The following LIMK2 variants were observed in gnomAD, a reference collection of about 807,000 sequenced individuals.
The protein encoded by LIMK2 is LIM domain kinase 2.
Under a neutral mutation model 75.7 loss-of-function variants are expected in LIMK2, and 35 were observed. The observed-to-expected ratio is 0.46, with a 90% CI of 0.35 to 0.61. The LOEUF (loss-of-function observed/expected upper bound fraction) is 0.61, where lower values mean the gene tolerates loss of function less well. Among genes scored for constraint, LIMK2 ranks in the 20% least tolerant of loss-of-function variants. The pLI, the probability that LIMK2 is intolerant of heterozygous loss-of-function variation, is 0.00. For synonymous variants in LIMK2, 301 were observed against 319.2 expected, an observed-to-expected ratio of 0.94 and a Z score of 0.61; for missense variants, 623 against 831.0, an observed-to-expected ratio of 0.75 and a Z score of 3.08.
In LIMK2 at chr22:31,278,625, C is replaced by T. The variant is rs150616886; in HGVS notation, c.*184C>T. 817 of 501,644 alleles carry T rather than the reference C, an allele frequency of 1.6e-3. 1 individual carries two copies. The highest frequency in any genetic ancestry group is 0.013 in the African/African-American group (688 of 51,124). The allele number at this position is 501,644 out of a possible 1,614,324, so 31.1% of individuals were successfully genotyped here. A position where few individuals can be genotyped will look rare whatever the true frequency, so the allele number is the denominator to read the frequency against. On this transcript the variant is annotated 3_prime_UTR_variant, in exon 16 of 16. Transcript: ENST00000331728. Reference sequence around the variant, plus strand: ...GCGCAGCACCAGGGAAATGTATCTCCACAGGTTCTGGGGCCTAGTTACTGT... The same window carrying T: ...GCGCAGCACCAGGGAAATGTATCTCTACAGGTTCTGGGGCCTAGTTACTGT...
chr22:31,232,035 T>G (rs1188476215), intron 2 of LIMK2, among the ~76,000 whole-genome samples: 1 of 152,058 alleles, frequency 6.6e-6, no homozygotes, highest in Non-Finnish European at 1.5e-5. Flanking sequence ...TTGCCCAGGC[T>G]GGTCTTGAAC....
chr22:31,228,418 G>A (rs971289673), intron 2 of LIMK2, among the ~76,000 whole-genome samples: 12 of 151,746 alleles, frequency 7.9e-5, no homozygotes, highest in Admixed American at 5.9e-4. Context: ...AAACTCCATC[G>A]CAAAAAAACA....
In LIMK2 at chr22:31,212,355, G is replaced by T. The variant is rs1601390156; in HGVS notation, c.-54G>T. ...GCTGAGGGGAGTTGTAGGGAACTGA[G>T]GGGAGCTGCTGTGTCCCCCGCCTCC... On this transcript the variant is annotated 5_prime_UTR_variant, in exon 1 of 16. In the 5' UTR this introduces an upstream ATG that the reference lacks. Transcript: ENST00000331728. 1.3e-5 allele frequency: 17 copies of T among 1,327,572 alleles called. No individual in the cohort carries two copies. The East Asian group carries it at 4.4e-4, about 35-fold the overall frequency. The allele number at this position is 1,327,572 out of a possible 1,614,324, so 82.2% of individuals were successfully genotyped here. A position where few individuals can be genotyped will look rare whatever the true frequency, so the allele number is the denominator to read the frequency against.
intron 9 of LIMK2, 39 bp downstream of exon 9, chr22:31,267,109 A>T: frequency 8.5e-7 from 1 of 1,177,078 alleles, no homozygotes; most frequent in Non-Finnish European, 1.3e-6. Flanking sequence ...TGGTGTCACC[A>T]TTGGAAGAGA....
chr22:31,276,606 G>A (rs1381685557), intron 15 of LIMK2, among the ~76,000 whole-genome samples: 3 of 146,336 alleles, frequency 2.1e-5, no homozygotes, highest in Non-Finnish European at 4.6e-5. Context: ...GAGCCGGCGA[G>A]CTAACCTGAG....
chr22:31,225,063 G>T (rs2048467315), intron 1 of LIMK2, among the ~76,000 whole-genome samples: 1 of 152,200 alleles, frequency 6.6e-6, no homozygotes, highest in Non-Finnish European at 1.5e-5. Context: ...CTCCTTATGA[G>T]AATCTCACTA....
At chr22:31,229,313 C>T (rs973146502) in intron 2 of LIMK2, among the ~76,000 whole-genome samples, 1 of 152,122 alleles carries the variant, frequency 6.6e-6, no homozygotes, top group African/African-American at 2.4e-5. Context: ...GGTAATTTGC[C>T]CTGGGGAGAG....
At chr22:31,273,575 G>A in intron 14 of LIMK2, 68 bp downstream of exon 14, 2 of 1,261,618 alleles carry the variant, frequency 1.6e-6, no homozygotes, top group Non-Finnish European at 2.3e-6. Flanking sequence ...CTCGGAACTG[G>A]GGCATCTCCT....
chr22:31,216,880 C>G (rs1021817513), intron 1 of LIMK2, among the ~76,000 whole-genome samples: 4 of 152,164 alleles, frequency 2.6e-5, no homozygotes, highest in African/African-American at 9.7e-5. Context: ...GAAACTGTAG[C>G]AGTCTCTTAC....
intron 2 of LIMK2, among the ~76,000 whole-genome samples, chr22:31,246,183 G>GCACGCACACACACACA (rs1555886279): frequency 1.6e-4 from 21 of 135,094 alleles, no homozygotes; most frequent in South Asian, 2.5e-4. Context: ...ACGCACGCAC[G>GCACGCACACACACACA]CACACACACA....
intron 2 of LIMK2, among the ~76,000 whole-genome samples, chr22:31,235,759 T>C (rs1186038335): frequency 1.3e-5 from 2 of 152,208 alleles, no homozygotes; most frequent in African/African-American, 4.8e-5. Flanking sequence ...CTTTTACTTA[T>C]AGGTGATTTA....
chr22:31,254,427 C>T (rs1214056353), intron 2 of LIMK2, among the ~76,000 whole-genome samples: 2 of 152,224 alleles, frequency 1.3e-5, no homozygotes, highest in Non-Finnish European at 2.9e-5. Context: ...CCACTCCTAC[C>T]ATTTTCAGTT....
At chr22:31,219,499 G>C (rs2048415810) in intron 1 of LIMK2, among the ~76,000 whole-genome samples, 1 of 151,832 alleles carries the variant, frequency 6.6e-6, no homozygotes, top group African/African-American at 2.4e-5. Context: ...ACCTAATAAG[G>C]GTCCTTTATT....
chr22:31,222,131 C>T (rs147879344), intron 1 of LIMK2, among the ~76,000 whole-genome samples: 129 of 151,704 alleles, frequency 8.5e-4, no homozygotes, highest in African/African-American at 2.8e-3. Flanking sequence ...AGTGCAATGG[C>T]GAGATCTCAG....
intron 12 of LIMK2, among the ~76,000 whole-genome samples, chr22:31,272,209 T>A (rs1029356697): frequency 6.6e-6 from 1 of 151,610 alleles, no homozygotes; most frequent in Non-Finnish European, 1.5e-5. Context: ...TACAGGCGTG[T>A]GCCACCACGC....
intron 1 of LIMK2, among the ~76,000 whole-genome samples, chr22:31,216,788 G>A (rs2048392505): frequency 6.6e-6 from 1 of 152,154 alleles, no homozygotes; most frequent in Non-Finnish European, 1.5e-5. Context: ...TCCCAGAACA[G>A]GGCTGCCTTC....
intron 2 of LIMK2, among the ~76,000 whole-genome samples, chr22:31,256,742 T>C (rs2048786450): frequency 6.6e-6 from 1 of 152,170 alleles, no homozygotes. Context: ...TTGCCCAAGA[T>C]GATGTAACTA....
chr22:31,278,894 G>C lies in LIMK2; in HGVS notation c.*453G>C, dbSNP rs2049058853. 6.5e-6 allele frequency: 1 copy of C among 153,676 alleles called. No individual in the cohort carries two copies. The highest frequency in any genetic ancestry group is 2.0e-4 in the South Asian group (1 of 4,916). The allele number at this position is 153,676 out of a possible 1,614,324, so 9.5% of individuals were successfully genotyped here. A position where few individuals can be genotyped will look rare whatever the true frequency, so the allele number is the denominator to read the frequency against. ...GAGGACTTCAAGTGTGTGGACGAAA[G>C]AAAGACTGATGGCTCAAAGGGTGTG... On this transcript the variant is annotated 3_prime_UTR_variant, in exon 16 of 16. Coordinates refer to ENST00000331728, the MANE Select transcript of LIMK2 (RefSeq NM_005569.4).
At chr22:31,226,613 ATTG>A (rs2048481462) in intron 2 of LIMK2, among the ~76,000 whole-genome samples, 1 of 152,192 alleles carries the variant, frequency 6.6e-6, no homozygotes, top group Non-Finnish European at 1.5e-5. Context: ...TATTATTATT[ATTG>A]TTATTATTAT....
Sources: allele counts gnomAD v4.1 joint callset (sites outside exome capture counted in the v4.1 genomes callset), GRCh38; gene constraint gnomAD v4.1.1; transcripts MANE v1.5; gene names NCBI Gene and HGNC (gene_info 2026-07-23, HGNC 2026-07-21).